Variants in FGF12 observed in about 807,000 individuals in gnomAD.
FGF12 encodes fibroblast growth factor 12B.
Under a neutral mutation model 23.6 loss-of-function variants are expected in FGF12, and 14 were observed. That is an observed-to-expected ratio of 0.59 (90% CI 0.39 to 0.93). FGF12 has a LOEUF of 0.93. FGF12 is among the 40% of genes least tolerant of loss of function. The pLI, the probability that FGF12 is intolerant of heterozygous loss-of-function variation, is 0.00. For synonymous variants in FGF12, 62 were observed against 77.3 expected, an observed-to-expected ratio of 0.80 and a Z score of 1.04; for missense variants, 175 against 217.8, an observed-to-expected ratio of 0.80 and a Z score of 1.24.
At chr3:192,368,986 A>C (rs1359359279) in intron 2 of FGF12, among the ~76,000 whole-genome samples, 1 of 152,106 alleles carries the variant, frequency 6.6e-6, no homozygotes, top group Non-Finnish European at 1.5e-5. Flanking sequence ...CTTCCCTGAC[A>C]CCCTGAGGCA....
At chr3:192,160,325 C>T (rs1195065753) in intron 5 of FGF12, among the ~76,000 whole-genome samples, 1 of 152,138 alleles carries the variant, frequency 6.6e-6, no homozygotes, top group South Asian at 2.1e-4. Flanking sequence ...TCATCTCCTA[C>T]CTTCCATTCC....
At chr3:192,608,934 T>G (rs1298701277) in intron 2 of FGF12, among the ~76,000 whole-genome samples, 1 of 152,096 alleles carries the variant, frequency 6.6e-6, no homozygotes, top group African/African-American at 2.4e-5. Flanking sequence ...ACCAGCTTAG[T>G]GAGGCAGGCT....
chr3:192,321,685 T>A (rs746561404), intron 4 of FGF12, among the ~76,000 whole-genome samples: 19 of 152,140 alleles, frequency 1.2e-4, no homozygotes, highest in Non-Finnish European at 2.5e-4. Context: ...ACCAATGTGA[T>A]ATGTCATATC....
intron 2 of FGF12, among the ~76,000 whole-genome samples, chr3:192,635,462 A>C (rs2108659748): frequency 6.6e-6 from 1 of 152,344 alleles, no homozygotes; most frequent in East Asian, 1.9e-4. Flanking sequence ...TGTTTAACTT[A>C]AGTACAACCT....
At chr3:192,276,367 A>G (rs1333508282) in intron 4 of FGF12, among the ~76,000 whole-genome samples, 1 of 152,226 alleles carries the variant, frequency 6.6e-6, no homozygotes, top group African/African-American at 2.4e-5. Flanking sequence ...TGTTCAAGTC[A>G]TCATCCAGCG....
At chr3:192,695,053 C>T (rs1015531674) in intron 2 of FGF12, among the ~76,000 whole-genome samples, 2 of 152,056 alleles carry the variant, frequency 1.3e-5, no homozygotes, top group East Asian at 1.9e-4. Flanking sequence ...CTATGTGAGA[C>T]GACAGATGTG....
At chr3:192,649,615 C>T (rs1716138305) in intron 2 of FGF12, among the ~76,000 whole-genome samples, 1 of 151,910 alleles carries the variant, frequency 6.6e-6, no homozygotes, top group Admixed American at 6.6e-5. Context: ...GAATACAGTG[C>T]CATCTTGGCT....
intron 2 of FGF12, among the ~76,000 whole-genome samples, chr3:192,698,818 T>C (rs571695369): frequency 4.2e-4 from 64 of 152,148 alleles, no homozygotes; most frequent in Non-Finnish European, 8.5e-4. Context: ...CCCCAAAAGG[T>C]GAGAATCACC....
At chr3:192,327,536 T>C (rs909443862) in intron 4 of FGF12, among the ~76,000 whole-genome samples, 1 of 149,218 alleles carries the variant, frequency 6.7e-6, no homozygotes, top group Non-Finnish European at 1.5e-5. Flanking sequence ...TTATAAAAAG[T>C]AAACAAATCA....
At chr3:192,274,148 TA>T (rs1713629408) in intron 4 of FGF12, among the ~76,000 whole-genome samples, 1 of 151,524 alleles carries the variant, frequency 6.6e-6, no homozygotes, top group South Asian at 2.1e-4. Context: ...ATAGAGTTAA[TA>T]AAGATTATTT....
intron 2 of FGF12, among the ~76,000 whole-genome samples, chr3:192,627,852 A>ATGTGTG (rs138709721): frequency 0.025 from 3,733 of 147,314 alleles, 139 homozygotes; most frequent in South Asian, 0.18. Context: ...GTGTGTGTGC[A>ATGTGTG]TGTGTGTGTG....
At position 192,514,002 on chromosome 3, in the gene FGF12, G is replaced by GT. The variant is rs1043899487; in HGVS notation, c.14-153465dup. Reference sequence around the variant, plus strand: ...ACTTATTTGATATTAGTTTGGTGGGGTTTTTTTCATTCAATTTTTAATGGC... The same window carrying GT: ...ACTTATTTGATATTAGTTTGGTGGGGTTTTTTTTCATTCAATTTTTAATGGC... On this transcript the variant is annotated intron_variant, in intron 2 of 5. Coordinates refer to ENST00000445105, the MANE Select transcript of FGF12 (RefSeq NM_004113.6). The surrounding 1 kb of genome is among the most constrained non-coding windows in gnomAD (Gnocchi z 4.9). Among the ~76,000 whole-genome samples the GT allele has an allele frequency of 2.6e-5, 4 of 152,144 alleles. No homozygotes were observed. The highest frequency in any genetic ancestry group is 2.1e-4 in the South Asian group (1 of 4,832).
At chr3:192,235,139 T>C (rs1478846064) in intron 4 of FGF12, among the ~76,000 whole-genome samples, 8 of 152,198 alleles carry the variant, frequency 5.3e-5, no homozygotes. Context: ...TTTATACATC[T>C]GGTAAAATTT....
chr3:192,675,093 C>T (rs1717276400), intron 2 of FGF12, among the ~76,000 whole-genome samples: 1 of 152,170 alleles, frequency 6.6e-6, no homozygotes, highest in Admixed American at 6.5e-5. Context: ...ACCAGTATCA[C>T]TTTGGAGACA....
intron 5 of FGF12, among the ~76,000 whole-genome samples, chr3:192,154,596 G>A (rs1353168638): frequency 2.0e-5 from 3 of 151,484 alleles, no homozygotes; most frequent in African/African-American, 7.3e-5. Flanking sequence ...GTGTGCCCCT[G>A]CTGGGCGGTG....
At chr3:192,398,386 C>CTT (rs749956480) in intron 2 of FGF12, among the ~76,000 whole-genome samples, 4 of 72,412 alleles carry the variant, frequency 5.5e-5, no homozygotes, top group Admixed American at 2.8e-4. Context: ...TTTCTTTTTT[C>CTT]TTTTTTTTTT....
At chr3:192,166,411 T>C (rs1286466727) in intron 5 of FGF12, among the ~76,000 whole-genome samples, 1 of 152,212 alleles carries the variant, frequency 6.6e-6, no homozygotes, top group Non-Finnish European at 1.5e-5. Context: ...GAGACATTTA[T>C]TCAAGATCAT....
intron 2 of FGF12, among the ~76,000 whole-genome samples, chr3:192,601,449 A>G (rs1024393769): frequency 1.3e-5 from 2 of 152,152 alleles, no homozygotes; most frequent in Non-Finnish European, 2.9e-5. Flanking sequence ...AATGTTCCCA[A>G]CACAAGAAAA....
At chr3:192,275,576 G>T (rs1713730447) in intron 4 of FGF12, among the ~76,000 whole-genome samples, 1 of 152,154 alleles carries the variant, frequency 6.6e-6, no homozygotes, top group African/African-American at 2.4e-5. Flanking sequence ...ACTAGAAAAG[G>T]TTTTGTGAAG....
Sources: allele counts gnomAD v4.1 joint callset (sites outside exome capture counted in the v4.1 genomes callset), GRCh38; gene constraint gnomAD v4.1.1; non-coding constraint Gnocchi (gnomAD v3.1); transcripts MANE v1.5; gene names NCBI Gene and HGNC (gene_info 2026-07-23, HGNC 2026-07-21).